Variants in SGCD observed in about 807,000 individuals in gnomAD.
SGCD encodes sarcoglycan delta.
A neutral mutation model predicts 36.6 loss-of-function variants in SGCD; 18 were observed. That is an observed-to-expected ratio of 0.49 (90% CI 0.34 to 0.73). The LOEUF is 0.73. SGCD is among the 30% of genes least tolerant of loss of function. The pLI, the probability that SGCD is intolerant of heterozygous loss-of-function variation, is 0.01. For synonymous variants in SGCD, 133 were observed against 130.6 expected (o/e 1.02, Z -0.12); for missense variants, 387 against 346.7 (o/e 1.12, Z -0.92).
At chr5:155,960,628 G>C (rs551890330) in intron 1 of SGCD, among the ~76,000 whole-genome samples, 1 of 152,226 alleles carries the variant, frequency 6.6e-6, no homozygotes, top group South Asian at 2.1e-4. Flanking sequence ...GCCTTTCAAA[G>C]ATGAACTCAT....
At chr5:155,966,885 AG>A (rs2127558378) in intron 1 of SGCD, among the ~76,000 whole-genome samples, 1 of 152,040 alleles carries the variant, frequency 6.6e-6, no homozygotes, top group African/African-American at 2.4e-5. Flanking sequence ...TGCTATTAGC[AG>A]TCTTGTACTT....
chr5:156,426,764 C>T (rs1250856639), intron 3 of SGCD, among the ~76,000 whole-genome samples: 1 of 151,906 alleles, frequency 6.6e-6, no homozygotes, highest in Non-Finnish European at 1.5e-5. Flanking sequence ...AGATCCAGTT[C>T]ATTCTTCTAC....
chr5:155,787,481 T>C, the SGCD span, among the ~76,000 whole-genome samples: 2 of 152,156 alleles, frequency 1.3e-5, no homozygotes, highest in African/African-American at 4.8e-5. Flanking sequence ...CCATGCAGCA[T>C]ACAATTAATT....
intron 1 of SGCD, among the ~76,000 whole-genome samples, chr5:156,002,412 T>C (rs574162979): frequency 6.6e-6 from 1 of 152,330 alleles, no homozygotes; most frequent in South Asian, 2.1e-4. Flanking sequence ...AGCCTTGTGG[T>C]ATTTTATAAT....
At chr5:156,129,239 G>C (rs963539772) in intron 3 of SGCD, among the ~76,000 whole-genome samples, 1 of 152,120 alleles carries the variant, frequency 6.6e-6, no homozygotes, top group Non-Finnish European at 1.5e-5. Flanking sequence ...TACATACTTT[G>C]TTCAAAGTGC....
chr5:156,243,280 C>T (rs17053360), intron 3 of SGCD, among the ~76,000 whole-genome samples: 33,754 of 152,034 alleles, frequency 0.22, 4,371 homozygotes, highest in East Asian at 0.62. Context: ...CTGGTGGAAG[C>T]GCAGGAAAGC....
chr5:156,146,227 A>T (rs188386877), intron 3 of SGCD, among the ~76,000 whole-genome samples: 1 of 152,290 alleles, frequency 6.6e-6, no homozygotes, highest in East Asian at 1.9e-4. Context: ...AAACAAAACA[A>T]AAAAGGATTT....
intron 3 of SGCD, among the ~76,000 whole-genome samples, chr5:156,472,186 A>G (rs1755001026): frequency 6.6e-6 from 1 of 152,174 alleles, no homozygotes; most frequent in Non-Finnish European, 1.5e-5. Context: ...TACGTTGGAG[A>G]ATTGTTTGGA....
chr5:156,218,713 A>G (rs1052352605), intron 3 of SGCD, among the ~76,000 whole-genome samples: 8 of 152,142 alleles, frequency 5.3e-5, no homozygotes, highest in Admixed American at 1.3e-4. Context: ...TTTCTTTGCA[A>G]GCATTAGCAC....
chr5:156,240,577 T>A (rs1345831640), intron 3 of SGCD, among the ~76,000 whole-genome samples: 1 of 152,236 alleles, frequency 6.6e-6, no homozygotes, highest in East Asian at 1.9e-4. Context: ...GCTGTACTGT[T>A]TGTTACTCAT....
chr5:156,704,110 C>T (rs1270799614), intron 7 of SGCD: 1 of 152,090 alleles, frequency 6.6e-6, no homozygotes, highest in African/African-American at 2.4e-5. Context: ...ATTGAATGTC[C>T]AGACACTTTT....
At chr5:156,412,286 C>T (rs996656776) in intron 3 of SGCD, among the ~76,000 whole-genome samples, 1 of 152,314 alleles carries the variant, frequency 6.6e-6, no homozygotes, top group East Asian at 1.9e-4. Flanking sequence ...GTTGACCAAA[C>T]TTTCAAGAAT....
At chr5:156,268,422 C>T (rs1766058493) in intron 3 of SGCD, among the ~76,000 whole-genome samples, 1 of 152,180 alleles carries the variant, frequency 6.6e-6, no homozygotes, top group African/African-American at 2.4e-5. Context: ...AATTTACTCT[C>T]CCACCAACAG....
At chr5:156,251,803 T>C (rs762728080) in intron 3 of SGCD, among the ~76,000 whole-genome samples, 9 of 151,616 alleles carry the variant, frequency 5.9e-5, no homozygotes, top group Non-Finnish European at 1.3e-4. Flanking sequence ...CATGAGCCAC[T>C]GTGCCCGGCC....
At chr5:156,274,769 G>A (rs1029822497) in intron 3 of SGCD, among the ~76,000 whole-genome samples, 8 of 152,150 alleles carry the variant, frequency 5.3e-5, no homozygotes, top group Non-Finnish European at 1.0e-4. Context: ...GCTCAGCCAT[G>A]CTCCTAGCTT....
At chr5:156,154,090 T>C (rs1762891683) in intron 3 of SGCD, among the ~76,000 whole-genome samples, 1 of 151,602 alleles carries the variant, frequency 6.6e-6, no homozygotes, top group African/African-American at 2.4e-5. Flanking sequence ...TCAGGGCTCC[T>C]TGAAGCACTG....
rs576019710 is a variant in SGCD at position 156,046,338 on chromosome 5, T to C, written c.-281-71540T>C. On this transcript the variant is annotated intron_variant, in intron 1 of 9. Coordinates refer to the SGCD transcript ENST00000517913. ...ATTTTTTGTTTTGCTTTTTTTCATC[T>C]ACACTTCTGCTGTATACTATGCAGG... is the stretch of plus-strand genomic sequence containing the variant. Among the ~76,000 whole-genome samples the C allele has an allele frequency of 2.4e-4, 37 of 152,312 alleles. No individual in the cohort carries two copies. In the South Asian group the frequency reaches 7.5e-3, roughly 31 times the overall value.
intron 3 of SGCD, among the ~76,000 whole-genome samples, chr5:156,152,139 A>AAAAC: frequency 2.6e-5 from 4 of 151,648 alleles, no homozygotes; most frequent in African/African-American, 9.8e-5. Flanking sequence ...TGAGTTAAAA[A>AAAAC]AAAACAAAAC....
chr5:156,279,374 T>G (rs1766390648), intron 3 of SGCD, among the ~76,000 whole-genome samples: 1 of 152,198 alleles, frequency 6.6e-6, no homozygotes, highest in African/African-American at 2.4e-5. Flanking sequence ...TTAGATCATG[T>G]GTTAGCAAGC....
Sources: gnomAD v4.1 joint callset for allele counts (sites outside exome capture counted in the v4.1 genomes callset) on GRCh38, gnomAD v4.1.1 for gene constraint, MANE v1.5 for transcripts, NCBI Gene and HGNC (gene_info 2026-07-23, HGNC 2026-07-21) for gene names.